DLG1: variants seen among roughly 807,000 people sequenced by gnomAD.
The protein encoded by DLG1 is disks large homolog 1.
A neutral mutation model predicts 123.4 loss-of-function variants in DLG1; 42 were observed. The observed-to-expected ratio is 0.34, with a 90% CI of 0.27 to 0.44. The LOEUF is 0.44. Ranked by LOEUF, DLG1 falls within the 20% of genes least tolerant of loss-of-function variation. The pLI is 1.00. For synonymous variants in DLG1, 317 were observed against 356.2 expected, an observed-to-expected ratio of 0.89 and a Z score of 1.24; for missense variants, 942 against 1,082.6, an observed-to-expected ratio of 0.87 and a Z score of 1.82.
At chr3:197,126,345 G>T (rs377641996) in intron 11 of DLG1, among the ~76,000 whole-genome samples, 2 of 151,914 alleles carry the variant, frequency 1.3e-5, no homozygotes, top group Admixed American at 1.3e-4. Flanking sequence ...GCGTGGTGGC[G>T]CATGCCTGTA....
In DLG1 at chr3:197,075,380, C is replaced by CAT. The variant is rs562660037; in HGVS notation, c.2005+1205_2005+1206insAT. Among the ~76,000 whole-genome samples the CAT allele has an allele frequency of 8.5e-3, 961 of 113,612 alleles. 9 individuals carry two copies. The highest frequency in any genetic ancestry group is 0.014 in the Middle Eastern group (3 of 222). The allele number at this position is 113,612 out of a possible 152,430, so 74.5% of individuals were successfully genotyped here. A position where few individuals can be genotyped will look rare whatever the true frequency, so the allele number is the denominator to read the frequency against. On this transcript the variant is annotated intron_variant, in intron 18 of 24. Coordinates refer to ENST00000667157, the MANE Select transcript of DLG1 (RefSeq NM_001366207.1). Reference sequence around the variant, plus strand: ...TATCCCCTCAATAAACTGCTACTTGCGTAGTATTCTATTGTGCTTTATACT... The same window carrying CAT: ...TATCCCCTCAATAAACTGCTACTTGCATGTAGTATTCTATTGTGCTTTATACT...
In DLG1 at chr3:197,060,902, TGCAACTTCCGCCTGCTTCA is replaced by T. The variant is rs371197569; in HGVS notation, c.2374-923_2374-905del. Among the ~76,000 whole-genome samples, 700 of 152,350 alleles carry T rather than the reference TGCAACTTCCGCCTGCTTCA, an allele frequency of 4.6e-3. 6 individuals are homozygous for T. Among genetic ancestry groups the T allele is most frequent in the African/African-American group, 0.016 (658 of 41,574 alleles). ...GTGCAGTGGCATGATCTCGGCTTAC[TGCAACTTCCGCCTGCTTCA>T]GCCTCCCCAGTAGCTAGGACAACAG... On this transcript the variant is annotated intron_variant, in intron 22 of 24. Coordinates refer to ENST00000667157, the MANE Select transcript of DLG1 (RefSeq NM_001366207.1).
At chr3:197,195,645 T>C (rs1300489355) in intron 4 of DLG1, among the ~76,000 whole-genome samples, 2 of 152,114 alleles carry the variant, frequency 1.3e-5, no homozygotes, top group East Asian at 3.9e-4. Context: ...CAAAATACTA[T>C]TATGTTCCCA....
At chr3:197,106,667 T>A (rs1215446652) in intron 13 of DLG1, among the ~76,000 whole-genome samples, 1 of 152,228 alleles carries the variant, frequency 6.6e-6, no homozygotes, top group African/African-American at 2.4e-5. Context: ...ATGAATTATT[T>A]CTGTGCACCA....
chr3:197,174,076 C>G (rs1449611139), intron 5 of DLG1, among the ~76,000 whole-genome samples: 1 of 152,198 alleles, frequency 6.6e-6, no homozygotes, highest in African/African-American at 2.4e-5. Context: ...CAGTGAGACT[C>G]TGTCTCAAAA....
chr3:197,086,389 T>C (rs983318348), intron 15 of DLG1, among the ~76,000 whole-genome samples: 3 of 152,206 alleles, frequency 2.0e-5, no homozygotes, highest in African/African-American at 7.2e-5. Flanking sequence ...GAAAATATTG[T>C]GTGCTACCAC....
chr3:197,222,590 A>G (rs977653182), intron 4 of DLG1, among the ~76,000 whole-genome samples: 1 of 152,212 alleles, frequency 6.6e-6, no homozygotes, highest in African/African-American at 2.4e-5. Flanking sequence ...AAGAATATGA[A>G]GCAACATAGC....
chr3:197,147,431 TGCAC>T (rs1023456807), intron 6 of DLG1, among the ~76,000 whole-genome samples: 1 of 81,530 alleles, frequency 1.2e-5, no homozygotes, highest in African/African-American at 5.3e-5. Context: ...ATATATGGTG[TGCAC>T]ACACACACAC....
intron 4 of DLG1, among the ~76,000 whole-genome samples, chr3:197,253,532 CCAT>C (rs1755431612): frequency 6.6e-6 from 1 of 152,132 alleles, no homozygotes; most frequent in African/African-American, 2.4e-5. Flanking sequence ...ATCATATGAC[CCAT>C]CAATTTCACT....
At chr3:197,151,533 G>A (rs993204158) in intron 5 of DLG1, among the ~76,000 whole-genome samples, 2 of 152,106 alleles carry the variant, frequency 1.3e-5, no homozygotes, top group Non-Finnish European at 2.9e-5. Flanking sequence ...GGAGTAGGAG[G>A]GGTTATGAAT....
At chr3:197,068,102 TTC>T (rs1741009144) in intron 19 of DLG1, among the ~76,000 whole-genome samples, 1 of 152,348 alleles carries the variant, frequency 6.6e-6, no homozygotes, top group East Asian at 1.9e-4. Flanking sequence ...AAACATTCTT[TTC>T]TGTTTTAGAA....
At chr3:197,090,191 A>G (rs1756956941) in intron 15 of DLG1, among the ~76,000 whole-genome samples, 1 of 152,148 alleles carries the variant, frequency 6.6e-6, no homozygotes, top group African/African-American at 2.4e-5. Flanking sequence ...CAGATTACTT[A>G]CAGTGCTAAT....
chr3:197,140,379 A>G (rs909418303), intron 7 of DLG1, 115 bp from the exon 8 acceptor site: 19 of 1,023,662 alleles, frequency 1.9e-5, no homozygotes, highest in Non-Finnish European at 2.7e-5. Flanking sequence ...AAATAAAGGT[A>G]TATGGGTGAG....
intron 5 of DLG1, among the ~76,000 whole-genome samples, chr3:197,179,131 C>T (rs1211112216): frequency 2.0e-5 from 3 of 152,148 alleles, no homozygotes; most frequent in African/African-American, 4.8e-5. Context: ...GGAAGTTTAA[C>T]GTGCAGTCTG....
At chr3:197,185,284 T>C (rs1715187923) in intron 5 of DLG1, among the ~76,000 whole-genome samples, 1 of 152,186 alleles carries the variant, frequency 6.6e-6, no homozygotes, top group Admixed American at 6.5e-5. Context: ...TTTGTCAAAC[T>C]ACAATGTTGA....
At position 197,084,458 on chromosome 3, in the gene DLG1, C is replaced by T. The variant is rs186681246; in HGVS notation, c.1838+1122G>A. Among the ~76,000 whole-genome samples the T allele has an allele frequency of 1.1e-4, 16 of 151,458 alleles. No homozygotes were observed. The East Asian group carries it at 3.2e-3, about 30-fold the overall frequency. On this transcript the variant is annotated intron_variant, in intron 16 of 24. Transcript: ENST00000667157. ...TCCCAAGTAGCTGCGATTACAGGCG[C>T]CCGCCACCACACCCAGCTAATGTTT...
Position 197,235,832 on chromosome 3 carries a change from G to A in DLG1, c.319-41243C>T, listed in dbSNP as rs377606029. Among the ~76,000 whole-genome samples, 4 of 152,264 alleles carry A rather than the reference G, an allele frequency of 2.6e-5. No individual in the cohort carries two copies. In the South Asian group the frequency reaches 8.3e-4, roughly 32 times the overall value. ...CATAATAGACTTAGAAATGCAAAATGACAGAATTAGCAGATAAAAACTCAA... is the reference window on the plus strand; with the variant it reads ...CATAATAGACTTAGAAATGCAAAATAACAGAATTAGCAGATAAAAACTCAA... On this transcript the variant is annotated intron_variant, in intron 4 of 24. Coordinates refer to ENST00000667157, the MANE Select transcript of DLG1 (RefSeq NM_001366207.1).
At chr3:197,292,376 T>C (rs1465885945) in intron 3 of DLG1, among the ~76,000 whole-genome samples, 1 of 152,196 alleles carries the variant, frequency 6.6e-6, no homozygotes, top group African/African-American at 2.4e-5. Flanking sequence ...AAAAGACAAA[T>C]ACTTCTATGA....
At chr3:197,103,719 TG>T (rs1764799695) in intron 14 of DLG1, among the ~76,000 whole-genome samples, 2 of 150,306 alleles carry the variant, frequency 1.3e-5, no homozygotes, top group Admixed American at 1.3e-4. Flanking sequence ...CATGCTGCTT[TG>T]ATCAGCTAAA....
Sources: allele counts gnomAD v4.1 joint callset (sites outside exome capture counted in the v4.1 genomes callset), GRCh38; gene constraint gnomAD v4.1.1; transcripts MANE v1.5; gene names NCBI Gene and HGNC (gene_info 2026-07-23, HGNC 2026-07-21).